CADM1: variants seen among roughly 807,000 people sequenced by gnomAD.
CADM1 encodes TSLC-1.
A neutral mutation model predicts 53.1 loss-of-function variants in CADM1; 15 were observed. The ratio of observed to expected loss-of-function variants is 0.28; its 90% confidence interval spans 0.19 to 0.44. CADM1 has a LOEUF of 0.44. CADM1 is among the 20% of genes least tolerant of loss of function. CADM1 has a pLI of 1.00. For missense variants in CADM1, 434 were observed against 611.3 expected (o/e 0.71, Z 3.06); for synonymous variants, 281 against 243.0 (o/e 1.16, Z -1.45).
chr11:115,229,864 A>C (rs1227567050), intron 4 of CADM1, among the ~76,000 whole-genome samples: 2 of 152,192 alleles, frequency 1.3e-5, no homozygotes, highest in African/African-American at 4.8e-5. Context: ...GACTTTTGGA[A>C]GACCTCAAAA....
At chr11:115,459,784 T>C (rs994791232) in intron 1 of CADM1, among the ~76,000 whole-genome samples, 24 of 152,220 alleles carry the variant, frequency 1.6e-4, no homozygotes, top group African/African-American at 5.8e-4. Context: ...GGACCATATG[T>C]GCATATGGTT....
intron 10 of CADM1, among the ~76,000 whole-genome samples, chr11:115,185,195 C>A (rs924036708): frequency 6.6e-5 from 10 of 152,144 alleles, no homozygotes; most frequent in African/African-American, 2.4e-4. Context: ...TTCAAATCTC[C>A]TGTATTAGAG....
intron 5 of CADM1, among the ~76,000 whole-genome samples, chr11:115,222,791 G>T (rs1488203554): frequency 6.6e-6 from 1 of 152,116 alleles, no homozygotes; most frequent in African/African-American, 2.4e-5. Flanking sequence ...CCCATGGTGT[G>T]GTGGCAGAAA....
chr11:115,496,685 G>A (rs1949623079), intron 1 of CADM1, among the ~76,000 whole-genome samples: 1 of 152,102 alleles, frequency 6.6e-6, no homozygotes, highest in Non-Finnish European at 1.5e-5. Flanking sequence ...AGGGGGAACT[G>A]GCTAGGAGCC....
rs1396258972 is a variant in CADM1 at position 115,229,138 on chromosome 11, C to G, written c.696G>C (p.Gln232His). The change falls in exon 5 of 12, where the codon CAG becomes CAC. Residue 232 changes from glutamine to histidine, a missense_variant. Gln to His is a conservative substitution (Grantham distance 24). Transcript: ENST00000331581. ...ACTGTACTTCTAGATACCGCTGGGT[C>G]TGCAGGTTTCCAGTGACCGCAGGGT... ...VEHPAVTGNLQTQRYLEVQYK... is the reference protein window; with the variant it reads ...VEHPAVTGNLHTQRYLEVQYK... The G allele has an allele frequency of 4.3e-6, 7 of 1,613,932 alleles. No individual in the cohort carries two copies. The highest frequency in any genetic ancestry group is 5.1e-6 in the Non-Finnish European group (6 of 1,180,012).
chr11:115,181,892 G>A (rs1280133328), intron 10 of CADM1, among the ~76,000 whole-genome samples: 1 of 152,188 alleles, frequency 6.6e-6, no homozygotes, highest in Admixed American at 6.5e-5. Context: ...CTGCCCAGGG[G>A]GGAACTGGGC....
At chr11:115,232,267 C>G (rs1439767924) in intron 3 of CADM1, among the ~76,000 whole-genome samples, 1 of 152,086 alleles carries the variant, frequency 6.6e-6, no homozygotes, top group Non-Finnish European at 1.5e-5. Context: ...CTTTGAGTCC[C>G]TTAAAAGAAT....
intron 1 of CADM1, among the ~76,000 whole-genome samples, chr11:115,371,793 C>A (rs1346426556): frequency 7.6e-6 from 1 of 131,054 alleles, no homozygotes; most frequent in Non-Finnish European, 1.6e-5. Flanking sequence ...CACCTGCCAC[C>A]ACGCCCAGCT....
At position 115,231,468 on chromosome 11, in the gene CADM1, G is replaced by A. The variant is rs533838676; in HGVS notation, c.447C>T (p.Ile149=). The change falls in exon 4 of 12, where the codon ATC becomes ATT. Residue 149 remains isoleucine, a synonymous_variant. Transcript: ENST00000331581. The part of the protein sequence containing the change: ...TVLVPPRNLM[I]DIQKDTAVEG... ...CCACCGCAGTGTCTTTCTGGATATCGATCATCAGATTACGTGGTGGGACTA... is the reference window on the plus strand; with the variant it reads ...CCACCGCAGTGTCTTTCTGGATATCAATCATCAGATTACGTGGTGGGACTA... 2 of 1,613,936 alleles carry A rather than the reference G, an allele frequency of 1.2e-6. No individual in the cohort carries two copies. Among genetic ancestry groups the A allele is most frequent in the Admixed American group, 1.7e-5 (1 of 60,018 alleles).
chr11:115,493,878 G>A (rs1371413302), intron 1 of CADM1, among the ~76,000 whole-genome samples: 1 of 152,118 alleles, frequency 6.6e-6, no homozygotes, highest in Non-Finnish European at 1.5e-5. Context: ...GTGGCAAGCA[G>A]GGTAATGGTT....
chr11:115,392,230 C>A (rs1343280592), intron 1 of CADM1, among the ~76,000 whole-genome samples: 2 of 152,036 alleles, frequency 1.3e-5, no homozygotes, highest in Non-Finnish European at 2.9e-5. Flanking sequence ...ACTCCCCACT[C>A]AAATATATGT....
chr11:115,488,036 G>GAAAAAA (rs11404998), intron 1 of CADM1, among the ~76,000 whole-genome samples: 3 of 147,438 alleles, frequency 2.0e-5, no homozygotes. Context: ...GCAATCCCTG[G>GAAAAAA]AAAAAAAAAA....
chr11:115,249,440 T>C (rs79963869), intron 1 of CADM1, among the ~76,000 whole-genome samples: 2 of 152,252 alleles, frequency 1.3e-5, no homozygotes, highest in Non-Finnish European at 2.9e-5. Flanking sequence ...TCCGGTGTTG[T>C]TGGTCACAGG....
At chr11:115,242,916 T>C (rs1010480848) in intron 1 of CADM1, among the ~76,000 whole-genome samples, 3 of 152,196 alleles carry the variant, frequency 2.0e-5, no homozygotes, top group African/African-American at 7.2e-5. Context: ...ATTTTAGCTC[T>C]TTATTGAAAT....
At chr11:115,351,336 C>T (rs1945731246) in intron 1 of CADM1, among the ~76,000 whole-genome samples, 1 of 152,124 alleles carries the variant, frequency 6.6e-6, no homozygotes. Context: ...GATCTACTAT[C>T]TGAAAAGGAA....
At position 115,242,041 on chromosome 11, in the gene CADM1, A is replaced by G. The variant is rs543529031; in HGVS notation, c.125-1621T>C. Among the ~76,000 whole-genome samples, 8 of 151,898 alleles carry G rather than the reference A, an allele frequency of 5.3e-5. No homozygotes were observed. In the South Asian group the frequency reaches 1.7e-3, roughly 32 times the overall value. On this transcript the variant is annotated intron_variant, in intron 1 of 11. Transcript: ENST00000331581. Reference sequence around the variant, plus strand: ...GGGGTGGCTAAGATGGCTCTAAGCCAAATCCACCTAGAAATAGACCAGCCC... The same window carrying G: ...GGGGTGGCTAAGATGGCTCTAAGCCGAATCCACCTAGAAATAGACCAGCCC...
chr11:115,469,453 C>T (rs1948963084), intron 1 of CADM1, among the ~76,000 whole-genome samples: 1 of 152,302 alleles, frequency 6.6e-6, no homozygotes, highest in Middle Eastern at 3.4e-3. Flanking sequence ...AAGGAAGTGG[C>T]AGAATCAAGG....
rs369333495 is a variant in CADM1, at chr11:115,454,864, G to C, written c.124+49407C>G. 6.6e-5 allele frequency among the ~76,000 whole-genome samples: 10 copies of C among 152,278 alleles called. No homozygotes were observed. The East Asian group carries it at 1.4e-3, about 21-fold the overall frequency. On this transcript the variant is annotated intron_variant, in intron 1 of 11. Transcript: ENST00000331581. The stretch of plus-strand genomic sequence containing the variant: ...GTACAGGAGCTTATATTGTATATCT[G>C]TCCATCTATCTTAAGGGACAAGTGT...
At chr11:115,262,613 G>A (rs180737193) in intron 1 of CADM1, among the ~76,000 whole-genome samples, 79 of 152,300 alleles carry the variant, frequency 5.2e-4, no homozygotes, top group Admixed American at 4.0e-3. Context: ...ACCAGGCATT[G>A]CGTACCAAGC....
Sources: gnomAD v4.1 joint callset for allele counts (sites outside exome capture counted in the v4.1 genomes callset) on GRCh38, gnomAD v4.1.1 for gene constraint, MANE v1.5 for transcripts, NCBI Gene and HGNC (gene_info 2026-07-23, HGNC 2026-07-21) for gene names.